The following SHANK2 variants were observed in gnomAD, a reference collection of about 807,000 sequenced individuals.
The protein encoded by SHANK2 is SH3 and multiple ankyrin repeat domains protein 2.
Under a neutral mutation model 133.7 loss-of-function variants are expected in SHANK2, and 43 were observed. The observed-to-expected ratio is 0.32, with a 90% confidence interval of 0.25 to 0.41. The LOEUF is 0.41. Among genes scored for constraint, SHANK2 ranks in the 10% least tolerant of loss-of-function variants. The probability of loss-of-function intolerance (pLI) is 1.00; values close to 1 mark genes in which losing one functional copy is unlikely to be tolerated. For missense variants in SHANK2, 1,994 were observed against 2,235.8 expected (o/e 0.89, Z 2.18); for synonymous variants, 1,017 against 952.8 (o/e 1.07, Z -1.24).
Position 71,147,197 on chromosome 11 carries a change from G to C in SHANK2, c.130C>G (p.Pro44Ala). 3.2e-6 allele frequency: 5 copies of C among 1,550,762 alleles called. No homozygotes were observed. The highest frequency in any genetic ancestry group is 4.4e-6 in the Non-Finnish European group (5 of 1,146,948). Residue 44 changes from proline to alanine, a missense_variant, in exon 3 of 26, where the codon CCG becomes GCG. Around this residue, in one of 5 missense-constraint regions of SHANK2, gnomAD observed 653 missense variants for 563.4 expected, o/e 1.16. Coordinates refer to ENST00000601538, the MANE Select transcript of SHANK2 (RefSeq NM_012309.5). ...YDTIRATAEK[P>A]GGARTEESQG... is the part of the protein sequence containing the mutation. ...CTCTCCTCCGTCCTGGCACCGCCCG[G>C]CTTCTCCGCAGTGGCCCGGATCGTG...
intron 14 of SHANK2, among the ~76,000 whole-genome samples, chr11:70,706,765 A>T (rs1472851125): frequency 6.6e-6 from 1 of 152,072 alleles, no homozygotes; most frequent in African/African-American, 2.4e-5. Context: ...AAAAAGGCCA[A>T]ACCTAGAAAT....
At chr11:70,671,908 A>T (rs1414461502) in intron 15 of SHANK2, among the ~76,000 whole-genome samples, 5 of 152,086 alleles carry the variant, frequency 3.3e-5, no homozygotes, top group African/African-American at 1.2e-4. Context: ...TCCTTCCCCC[A>T]CAGCCAACCT....
chr11:70,606,761 T>C (rs1554992572), intron 17 of SHANK2, among the ~76,000 whole-genome samples: 2 of 152,152 alleles, frequency 1.3e-5, no homozygotes, highest in Admixed American at 6.5e-5. Flanking sequence ...CGTCTGCTCC[T>C]TGGGCCTCAG....
chr11:70,915,462 G>T (rs1950256841), intron 10 of SHANK2, among the ~76,000 whole-genome samples: 1 of 152,206 alleles, frequency 6.6e-6, no homozygotes, highest in South Asian at 2.1e-4. Flanking sequence ...TTCAGCATCA[G>T]TTGCATCCAA....
chr11:70,471,069 GT>G lies in SHANK2; in HGVS notation c.*1799del, dbSNP rs1202286730. The G allele has an allele frequency of 1.0e-4, 38 of 381,436 alleles. No individual in the cohort carries two copies. Among genetic ancestry groups the G allele is most frequent in the Admixed American group, 4.5e-4 (10 of 22,122 alleles). The allele number at this position is 381,436 out of a possible 1,614,324, so 23.6% of individuals were successfully genotyped here. A position where few individuals can be genotyped will look rare whatever the true frequency, so the allele number is the denominator to read the frequency against. On this transcript the variant is annotated 3_prime_UTR_variant, in exon 26 of 26. Coordinates refer to ENST00000601538, the MANE Select transcript of SHANK2 (RefSeq NM_012309.5). This position sits in a 1 kb window ranked among gnomAD's most constrained non-coding sequence, Gnocchi z 4.1. ...GAAATAGTATTATTAAATCACAAAA[GT>G]TTTTTTTTCTTTAACTTTCTAGCAC... is the stretch of plus-strand genomic sequence containing the variant.
At chr11:71,237,321 C>A (rs1455027300) in intron 1 of SHANK2, among the ~76,000 whole-genome samples, 3 of 152,162 alleles carry the variant, frequency 2.0e-5, no homozygotes, top group Non-Finnish European at 2.9e-5. Context: ...CCAATTCTAG[C>A]CCCAGCCTGT....
intron 11 of SHANK2, among the ~76,000 whole-genome samples, chr11:70,834,082 G>A (rs1263091383): frequency 6.6e-6 from 1 of 152,266 alleles, no homozygotes; most frequent in African/African-American, 2.4e-5. Flanking sequence ...ATGTTGGGAT[G>A]TAGGAAGCAA....
At chr11:70,757,092 C>T (rs1282326667) in intron 14 of SHANK2, among the ~76,000 whole-genome samples, 1 of 152,214 alleles carries the variant, frequency 6.6e-6, no homozygotes, top group East Asian at 1.9e-4. Context: ...ATAAATGTGA[C>T]TATTCTTATT....
chr11:71,074,773 A>ATTT (rs36140840), intron 9 of SHANK2, among the ~76,000 whole-genome samples: 86 of 92,510 alleles, frequency 9.3e-4, no homozygotes, highest in African/African-American at 1.7e-3. Flanking sequence ...ACCTAAGCCA[A>ATTT]TTTTTTTTTT....
chr11:70,761,186 G>A (rs1555040130), intron 14 of SHANK2, among the ~76,000 whole-genome samples: 1 of 152,172 alleles, frequency 6.6e-6, no homozygotes, highest in Non-Finnish European at 1.5e-5. Flanking sequence ...ATGGTATCTG[G>A]TGATGGGGCC....
At chr11:70,766,069 T>C (rs1555041294) in intron 14 of SHANK2, among the ~76,000 whole-genome samples, 1 of 152,272 alleles carries the variant, frequency 6.6e-6, no homozygotes, top group African/African-American at 2.4e-5. Context: ...GATGATGTTA[T>C]GGCTGATCAT....
chr11:70,946,243 G>A (rs112101523), intron 10 of SHANK2, among the ~76,000 whole-genome samples: 29,187 of 90,950 alleles, frequency 0.32, 7,767 homozygotes, highest in African/African-American at 0.68. Context: ...CTCCCTCTCC[G>A]CTAACCAACC....
chr11:70,710,332 C>G (rs961453781), intron 14 of SHANK2, among the ~76,000 whole-genome samples: 2 of 152,176 alleles, frequency 1.3e-5, no homozygotes, highest in Non-Finnish European at 2.9e-5. Flanking sequence ...CAACCTTTGA[C>G]CTGCAGAGAG....
At chr11:71,110,520 G>A (rs963710574) in intron 5 of SHANK2, among the ~76,000 whole-genome samples, 7 of 152,058 alleles carry the variant, frequency 4.6e-5, no homozygotes, top group African/African-American at 7.2e-5. Flanking sequence ...CAGGAGGATC[G>A]CCTGAGCCGA....
At chr11:70,908,976 C>T (rs1441192702) in intron 10 of SHANK2, among the ~76,000 whole-genome samples, 5 of 152,178 alleles carry the variant, frequency 3.3e-5, no homozygotes, top group Non-Finnish European at 7.3e-5. Context: ...CAGTATTATC[C>T]TCTGTCCTGT....
At chr11:71,063,772 C>A (rs1457696642) in intron 9 of SHANK2, among the ~76,000 whole-genome samples, 1 of 152,176 alleles carries the variant, frequency 6.6e-6, no homozygotes, top group African/African-American at 2.4e-5. Flanking sequence ...TTTTTGAAGA[C>A]CCGAGCATCA....
chr11:70,652,943 G>A (rs549379915), intron 17 of SHANK2, among the ~76,000 whole-genome samples: 1 of 152,306 alleles, frequency 6.6e-6, no homozygotes, highest in African/African-American at 2.4e-5. Context: ...CATAATGACT[G>A]ATCATGCTGC....
chr11:70,792,567 T>C (rs1555048303), intron 14 of SHANK2, among the ~76,000 whole-genome samples: 1 of 152,196 alleles, frequency 6.6e-6, no homozygotes, highest in African/African-American at 2.4e-5. Flanking sequence ...ATTCTGTGAG[T>C]CACTCACTTA....
At chr11:71,086,311 A>G (rs1425907792) in intron 8 of SHANK2, among the ~76,000 whole-genome samples, 5 of 94,158 alleles carry the variant, frequency 5.3e-5, no homozygotes, top group East Asian at 2.9e-4. Flanking sequence ...TATATAAGAT[A>G]TAGTATATGT....
Sources: gnomAD v4.1 joint callset for allele counts (sites outside exome capture counted in the v4.1 genomes callset) on GRCh38, gnomAD v4.1.1 for gene constraint, gnomAD v4.1.1 regional missense constraint, Gnocchi (gnomAD v3.1) non-coding constraint, MANE v1.5 for transcripts, NCBI Gene and HGNC (gene_info 2026-07-23, HGNC 2026-07-21) for gene names.